Variants in LTN1 observed in about 807,000 individuals in gnomAD.
The protein encoded by LTN1 is listerin E3 ubiquitin protein ligase 1.
Under a neutral mutation model 201.2 loss-of-function variants are expected in LTN1, and 88 were observed. That is an observed-to-expected ratio of 0.44 (90% CI 0.37 to 0.52). The LOEUF is 0.52. LTN1 is among the 20% of genes least tolerant of loss of function. The probability of loss-of-function intolerance (pLI) is 0.00; values close to 1 mark genes in which losing one functional copy is unlikely to be tolerated. For missense variants in LTN1, 1,752 were observed against 2,038.7 expected (o/e 0.86, Z 2.71); for synonymous variants, 645 against 713.5 (o/e 0.90, Z 1.53).
chr21:28,931,180 T>G lies in LTN1; in HGVS notation c.5213A>C (p.Lys1738Thr). 1 of 1,611,500 alleles carries G rather than the reference T, an allele frequency of 6.2e-7. No homozygotes were observed. Among genetic ancestry groups the G allele is most frequent in the East Asian group, 2.2e-5 (1 of 44,838 alleles). The change falls in exon 29 of 30, where the codon AAG (lysine) becomes ACG (threonine). Residue 1738 changes from lysine (K) to threonine (T), a missense_variant. Transcript: ENST00000361371. ...CAAGCAGGCTGAATGGAATTTTTTC[T>G]TGCATGTTCTACAGGCTTTTTTGGG... ...SLPKKACRTC[K>T]KKFHSACLYK...
intron 21 of LTN1, among the ~76,000 whole-genome samples, chr21:28,945,490 C>T (rs1242048721): frequency 6.6e-6 from 1 of 152,014 alleles, no homozygotes; most frequent in Non-Finnish European, 1.5e-5. Context: ...CTAATTATAA[C>T]CAAAAAAGAC....
intron 6 of LTN1, among the ~76,000 whole-genome samples, chr21:28,974,649 A>G (rs774076065): frequency 1.7e-4 from 26 of 152,332 alleles, no homozygotes; most frequent in Non-Finnish European, 3.4e-4. Context: ...CCAGGAAAGA[A>G]GGCCAGGATA....
At position 28,941,411 on chromosome 21, in the gene LTN1, G is replaced by T. The variant is rs2084296738; in HGVS notation, c.4296-5C>A. 6.3e-7 allele frequency: 1 copy of T among 1,594,654 alleles called. No individual in the cohort carries two copies. The highest frequency in any genetic ancestry group is 8.5e-7 in the Non-Finnish European group (1 of 1,172,426). On this transcript the variant is annotated splice_polypyrimidine_tract_variant and splice_region_variant and intron_variant, in intron 24 of 29. Coordinates refer to ENST00000361371, the MANE Select transcript of LTN1 (RefSeq NM_015565.3). ...ATCAGTGCTGCTGGTGGTGACCTAA[G>T]AATCAATGATTAAACACCACAAGTT...
chr21:28,945,304 T>G (rs1355219393), intron 21 of LTN1, among the ~76,000 whole-genome samples: 2 of 152,088 alleles, frequency 1.3e-5, no homozygotes, highest in African/African-American at 4.8e-5. Flanking sequence ...ACATAGCTAA[T>G]AGCAGGCAAA....
At chr21:28,987,138 A>G (rs2084704832) in intron 1 of LTN1, among the ~76,000 whole-genome samples, 1 of 152,210 alleles carries the variant, frequency 6.6e-6, no homozygotes, top group African/African-American at 2.4e-5. Flanking sequence ...CCTAGAAATT[A>G]TTCTGTTTCT....
At chr21:28,980,962 T>A (rs1352605088) in intron 6 of LTN1, among the ~76,000 whole-genome samples, 157 bp downstream of exon 6, 5 of 152,030 alleles carry the variant, frequency 3.3e-5, no homozygotes, top group African/African-American at 1.2e-4. Flanking sequence ...AAAAACAGAG[T>A]AACATTCTAG....
chr21:28,972,361 A>G (rs1196892562), intron 6 of LTN1, among the ~76,000 whole-genome samples: 1 of 92,458 alleles, frequency 1.1e-5, no homozygotes, highest in Non-Finnish European at 2.2e-5. Flanking sequence ...AGGATATCCC[A>G]CCCTCCCACC....
chr21:28,967,476 GC>G, intron 9 of LTN1: 1 of 236,528 alleles, frequency 4.2e-6, no homozygotes, highest in African/African-American at 2.3e-5. Context: ...TAGTAATGAA[GC>G]CTCCATAAAA....
chr21:28,980,992 A>G (rs1939505292), intron 6 of LTN1, 127 bp downstream of exon 6: 1 of 515,410 alleles, frequency 1.9e-6, no homozygotes, highest in Admixed American at 3.9e-5. Flanking sequence ...TAATTCAGTA[A>G]ATGAATAGCC....
Position 28,953,202 on chromosome 21 carries a change from GAA to G in LTN1, c.3239+13_3239+14del. On this transcript the variant is annotated intron_variant, in intron 17 of 29. Transcript: ENST00000361371. ...AGCATAGTCATTTTAAAAACAAATTGAAAGAGATTCTTACCTGTTAAATAACA... is the reference window on the plus strand; with the variant it reads ...AGCATAGTCATTTTAAAAACAAATTGAGAGATTCTTACCTGTTAAATAACA... 1 of 1,529,418 alleles carries G rather than the reference GAA, an allele frequency of 6.5e-7. No homozygotes were observed. Among genetic ancestry groups the G allele is most frequent in the Admixed American group, 2.4e-5 (1 of 42,444 alleles). 94.7% of individuals were successfully genotyped at this position (1,529,418 alleles called of 1,614,324 possible).
intron 6 of LTN1, among the ~76,000 whole-genome samples, chr21:28,978,923 A>G (rs2084637153): frequency 6.6e-6 from 1 of 152,258 alleles, no homozygotes; most frequent in Non-Finnish European, 1.5e-5. Flanking sequence ...ATATCACCTG[A>G]ATTCCTATTA....
At chr21:28,977,047 G>A (rs2084620649) in intron 6 of LTN1, among the ~76,000 whole-genome samples, 1 of 152,082 alleles carries the variant, frequency 6.6e-6, no homozygotes, top group South Asian at 2.1e-4. Flanking sequence ...GAGCCACCAC[G>A]CTCAGCCCAA....
chr21:28,961,046 A>T (rs888179975), intron 11 of LTN1, among the ~76,000 whole-genome samples: 1 of 150,414 alleles, frequency 6.6e-6, no homozygotes, highest in African/African-American at 2.5e-5. Flanking sequence ...CACAATGATC[A>T]CTGCTTTTCT....
At chr21:28,980,658 T>C (rs924541527) in intron 6 of LTN1, among the ~76,000 whole-genome samples, 2 of 152,016 alleles carry the variant, frequency 1.3e-5, no homozygotes, top group African/African-American at 4.8e-5. Flanking sequence ...TAACCCTGCA[T>C]TTCCCGTAAG....
intron 6 of LTN1, among the ~76,000 whole-genome samples, chr21:28,978,562 A>C (rs2084634671): frequency 6.6e-6 from 1 of 152,222 alleles, no homozygotes; most frequent in Non-Finnish European, 1.5e-5. Context: ...AAAAATTCAA[A>C]ATATAAGAAT....
chr21:28,938,019 A>C (rs1030055550), intron 25 of LTN1, among the ~76,000 whole-genome samples: 1 of 152,202 alleles, frequency 6.6e-6, no homozygotes, highest in Non-Finnish European at 1.5e-5. Context: ...GACAGGCTAA[A>C]AACAGCTGGC....
intron 11 of LTN1, chr21:28,960,957 T>A: frequency 6.4e-6 from 2 of 310,228 alleles, no homozygotes; most frequent in Non-Finnish European, 1.2e-5. Flanking sequence ...CTTTTTTTTT[T>A]AACTTAAAAT....
At chr21:28,947,358 C>T (rs1429878271) in intron 19 of LTN1, 106 bp downstream of exon 19, 3 of 882,400 alleles carry the variant, frequency 3.4e-6, no homozygotes, top group Admixed American at 3.7e-5. Flanking sequence ...AACAAATCAG[C>T]TGTAATTCAA....
chr21:28,971,053 T>G (rs1301557054), intron 7 of LTN1, among the ~76,000 whole-genome samples: 3 of 152,204 alleles, frequency 2.0e-5, no homozygotes, highest in African/African-American at 7.2e-5. Flanking sequence ...AATATAAAAT[T>G]CAGTTATGGT....
Sources: allele counts gnomAD v4.1 joint callset (sites outside exome capture counted in the v4.1 genomes callset), GRCh38; gene constraint gnomAD v4.1.1; transcripts MANE v1.5; gene names NCBI Gene and HGNC (gene_info 2026-07-23, HGNC 2026-07-21).